The following PIEZO2 variants were observed in gnomAD, a reference collection of about 807,000 sequenced individuals.
PIEZO2 encodes piezo type mechanosensitive ion channel component 2.
A neutral mutation model predicts 337.3 loss-of-function variants in PIEZO2; 172 were observed. That is an observed-to-expected ratio of 0.51 (90% CI 0.45 to 0.58). The LOEUF (loss-of-function observed/expected upper bound fraction) is 0.58. PIEZO2 is among the 20% of genes least tolerant of loss of function. The probability of loss-of-function intolerance (pLI) is 0.00; values close to 1 mark genes in which losing one functional copy is unlikely to be tolerated. For missense variants in PIEZO2, 3,028 were observed against 3,391.3 expected, an observed-to-expected ratio of 0.89 and a Z score of 2.66; for synonymous variants, 1,251 against 1,228.5, an observed-to-expected ratio of 1.02 and a Z score of -0.38.
chr18:11,072,104 T>A (rs188313688), intron 1 of PIEZO2, among the ~76,000 whole-genome samples: 1 of 152,258 alleles, frequency 6.6e-6, no homozygotes, highest in Non-Finnish European at 1.5e-5. Context: ...CTGGTACCCC[T>A]CAAGCCTATG....
At chr18:10,967,960 T>G (rs1053555312) in intron 3 of PIEZO2, among the ~76,000 whole-genome samples, 1 of 152,170 alleles carries the variant, frequency 6.6e-6, no homozygotes, top group Non-Finnish European at 1.5e-5. Flanking sequence ...TTAGTTTAAT[T>G]AAGTCCCATC....
Position 10,726,489 on chromosome 18 carries a change from T to A in PIEZO2, c.5029+4918A>T. The A allele has an allele frequency of 6.6e-7, 1 of 1,510,524 alleles. No homozygotes were observed. The highest frequency in any genetic ancestry group is 8.8e-7 in the Non-Finnish European group (1 of 1,135,904). The allele number at this position is 1,510,524 out of a possible 1,614,324, so 93.6% of individuals were successfully genotyped here. ...GAGGGCCTGGCCACCCTGCACAGCGTGCTGCTCCGCAAGCAGCCGTTCCTG... is the reference window on the plus strand; with the variant it reads ...GAGGGCCTGGCCACCCTGCACAGCGAGCTGCTCCGCAAGCAGCCGTTCCTG... On this transcript the variant is annotated intron_variant, in intron 36 of 55. Coordinates refer to ENST00000674853, the MANE Select transcript of PIEZO2 (RefSeq NM_001378183.1). The surrounding 1 kb of genome is among the most constrained non-coding windows in gnomAD (Gnocchi z 5.9).
rs1336584390 is a variant in PIEZO2, at chr18:11,047,318, A to T, written c.160+18809T>A. Reference sequence around the variant, plus strand: ...TGGATGATTCACTGGGTGAGCATTCAGGAATAGCAGTGGGATGGGGGTGGG... The same window carrying T: ...TGGATGATTCACTGGGTGAGCATTCTGGAATAGCAGTGGGATGGGGGTGGG... On this transcript the variant is annotated intron_variant, in intron 2 of 55. Coordinates refer to ENST00000674853, the MANE Select transcript of PIEZO2 (RefSeq NM_001378183.1). The surrounding 1 kb of genome is among the most constrained non-coding windows in gnomAD (Gnocchi z 7.2). Among the ~76,000 whole-genome samples the T allele has an allele frequency of 2.0e-5, 3 of 152,184 alleles. No homozygotes were observed. Among genetic ancestry groups the T allele is most frequent in the African/African-American group, 7.2e-5 (3 of 41,456 alleles).
At chr18:11,084,925 T>C (rs866852022) in intron 1 of PIEZO2, among the ~76,000 whole-genome samples, 2 of 152,244 alleles carry the variant, frequency 1.3e-5, no homozygotes, top group Admixed American at 1.3e-4. Flanking sequence ...GCTGTCCTTA[T>C]GTCAGACACT....
chr18:11,136,493 T>C (rs2040491520), intron 1 of PIEZO2, among the ~76,000 whole-genome samples: 1 of 152,268 alleles, frequency 6.6e-6, no homozygotes, highest in Non-Finnish European at 1.5e-5. Context: ...TGGCCTGCAA[T>C]GCAAGCCTGG....
intron 7 of PIEZO2, among the ~76,000 whole-genome samples, chr18:10,817,560 G>A (rs2040397806): frequency 1.3e-5 from 2 of 152,086 alleles, no homozygotes; most frequent in South Asian, 2.1e-4. Flanking sequence ...ACCTTCTAAA[G>A]TTCTTCCGTG....
rs145772092 is a variant in PIEZO2 at position 10,898,346 on chromosome 18, A to G, written c.329+12840T>C. On this transcript the variant is annotated intron_variant, in intron 4 of 55. Transcript: ENST00000674853. ...TGAGGGGGGAGAATGGCGTGAACCC[A>G]GGAGGCAGAGCTTGCAGTGAGCCGA... 2.3e-3 allele frequency among the ~76,000 whole-genome samples: 351 copies of G among 152,194 alleles called. 7 individuals carry two copies. In the East Asian group the frequency reaches 0.057, roughly 25 times the overall value.
chr18:10,926,311 G>A (rs955670896), intron 3 of PIEZO2, among the ~76,000 whole-genome samples: 1 of 152,186 alleles, frequency 6.6e-6, no homozygotes, highest in African/African-American at 2.4e-5. Flanking sequence ...CATCGCCCAT[G>A]GTAGGAGTAT....
Position 10,681,708 on chromosome 18 carries a change from C to T in PIEZO2, c.7732G>A (p.Asp2578Asn). The T allele has an allele frequency of 6.2e-7, 1 of 1,611,908 alleles. No individual in the cohort carries two copies. The highest frequency in any genetic ancestry group is 1.1e-5 in the South Asian group (1 of 91,008). Residue 2578 changes from aspartate to asparagine, a missense_variant, in exon 51 of 56, where the codon GAC becomes AAC. By Grantham distance (23) the Asp-to-Asn change is conservative (BLOSUM62 1). Transcript: ENST00000674853. ...SAQQSQLKVM[D>N]QQSFNKFIQA... ...ATAAATTTGTTAAAGCTCTGCTGGT[C>T]CATAACTTTCAACTGGCTTTGTTGG...
intron 3 of PIEZO2, among the ~76,000 whole-genome samples, chr18:10,926,412 A>G (rs2145165485): frequency 6.6e-6 from 1 of 152,300 alleles, no homozygotes; most frequent in Middle Eastern, 3.4e-3. Flanking sequence ...TGGGTGGAAC[A>G]TATTTTTGGT....
At chr18:10,970,287 G>A (rs954359633) in intron 3 of PIEZO2, among the ~76,000 whole-genome samples, 2 of 152,172 alleles carry the variant, frequency 1.3e-5, no homozygotes, top group Admixed American at 1.3e-4. Flanking sequence ...GCAATAGAAA[G>A]CTTATTGGAA....
rs1374125192 is a variant in PIEZO2, at chr18:10,954,183, T to G, written c.286+25352A>C. ...TATTGTAGTTTTTTTTCCATATATA[T>G]TTTAGAGTCAGCTTGTTGATTTCTA... is the stretch of plus-strand genomic sequence containing the variant. On this transcript the variant is annotated intron_variant, in intron 3 of 55. Transcript: ENST00000674853. This position sits in a 1 kb window ranked among gnomAD's most constrained non-coding sequence, Gnocchi z 4.2. Among the ~76,000 whole-genome samples the G allele has an allele frequency of 6.6e-6, 1 of 152,262 alleles. No individual in the cohort carries two copies. The highest frequency in any genetic ancestry group is 1.5e-5 in the Non-Finnish European group (1 of 68,044).
Position 10,828,124 on chromosome 18 carries a change from TTGTTTG to T in PIEZO2, c.918-20856_918-20851del, listed in dbSNP as rs145268267. On this transcript the variant is annotated intron_variant, in intron 7 of 55. Coordinates refer to ENST00000674853, the MANE Select transcript of PIEZO2 (RefSeq NM_001378183.1). The surrounding 1 kb of genome is among the most constrained non-coding windows in gnomAD (Gnocchi z 4.1). ...CTCGAAATAGCATGACGGTTTTTTT[TTGTTTG>T]TTTGTTTTTGTTTTTTTTTTTTTTT... 0.15 allele frequency among the ~76,000 whole-genome samples: 20,303 copies of T among 137,302 alleles called. 1,357 individuals carry two copies. Among genetic ancestry groups the T allele is most frequent in the Middle Eastern group, 0.21 (57 of 270 alleles). The allele number at this position is 137,302 out of a possible 152,430, so 90.1% of individuals were successfully genotyped here. A position where few individuals can be genotyped will look rare whatever the true frequency, so the allele number is the denominator to read the frequency against.
At position 10,766,837 on chromosome 18, in the gene PIEZO2, A is replaced by G. The variant is rs563535515; in HGVS notation, c.2946+3311T>C. Among the ~76,000 whole-genome samples, 1 of 152,370 alleles carries G rather than the reference A, an allele frequency of 6.6e-6. No individual in the cohort carries two copies. The highest frequency in any genetic ancestry group is 2.4e-5 in the African/African-American group (1 of 41,590). On this transcript the variant is annotated intron_variant, in intron 21 of 55. Coordinates refer to ENST00000674853, the MANE Select transcript of PIEZO2 (RefSeq NM_001378183.1). The surrounding 1 kb of genome is among the most constrained non-coding windows in gnomAD (Gnocchi z 6.1). ...TCAAGCTACTACACTAGCACCTAGC[A>G]CCATGTACGCATTCACTTTATTGTG...
chr18:10,849,037 C>T (rs533632060), intron 7 of PIEZO2, among the ~76,000 whole-genome samples: 1 of 152,256 alleles, frequency 6.6e-6, no homozygotes, highest in Admixed American at 6.5e-5. Context: ...GACAGAATCT[C>T]GCTCTGTCAC....
chr18:10,935,608 G>A (rs1223415244), intron 3 of PIEZO2, among the ~76,000 whole-genome samples: 1 of 152,202 alleles, frequency 6.6e-6, no homozygotes, highest in Non-Finnish European at 1.5e-5. Context: ...AGATATTTTA[G>A]TGTGCATAAA....
intron 2 of PIEZO2, among the ~76,000 whole-genome samples, chr18:11,056,640 G>A (rs1019474208): frequency 2.2e-4 from 33 of 152,128 alleles, no homozygotes; most frequent in African/African-American, 6.8e-4. Flanking sequence ...CATCAACAAG[G>A]CAGGAAGGCT....
chr18:10,769,436 T>C (rs11876929), intron 21 of PIEZO2, among the ~76,000 whole-genome samples: 4,277 of 152,298 alleles, frequency 0.028, 199 homozygotes, highest in African/African-American at 0.097. Flanking sequence ...GTTTGTAGTG[T>C]TGTAGTTGTG....
Position 10,773,957 on chromosome 18 carries a change from A to C in PIEZO2, c.2567+49T>G, listed in dbSNP as rs2144008502. The C allele has an allele frequency of 1.4e-6, 1 of 702,206 alleles. No homozygotes were observed. The highest frequency in any genetic ancestry group is 2.7e-5 in the East Asian group (1 of 37,254). 43.5% of individuals were successfully genotyped at this position (702,206 alleles called of 1,614,324 possible). A position where few individuals can be genotyped will look rare whatever the true frequency, so the allele number is the denominator to read the frequency against. ...CAGAGTTTAGGGTGTAGAAGCATGA[A>C]ATGGCATCATGTAGAGCAAGCATTT... On this transcript the variant is annotated intron_variant, in intron 19 of 55. Coordinates refer to ENST00000674853, the MANE Select transcript of PIEZO2 (RefSeq NM_001378183.1). This position sits in a 1 kb window ranked among gnomAD's most constrained non-coding sequence, Gnocchi z 5.3.
Sources: allele counts gnomAD v4.1 joint callset (sites outside exome capture counted in the v4.1 genomes callset), GRCh38; gene constraint gnomAD v4.1.1; non-coding constraint Gnocchi (gnomAD v3.1); transcripts MANE v1.5; gene names NCBI Gene and HGNC (gene_info 2026-07-23, HGNC 2026-07-21).